PABPC4L: variants seen among roughly 807,000 people sequenced by gnomAD.
The protein encoded by PABPC4L is poly(A) binding protein cytoplasmic 4 like.
For synonymous variants in PABPC4L, 169 were observed against 164.1 expected, an observed-to-expected ratio of 1.03 and a Z score of -0.23; for missense variants, 452 against 451.4, an observed-to-expected ratio of 1.00 and a Z score of -0.01.
the PABPC4L span, among the ~76,000 whole-genome samples, chr4:134,191,285 C>A: frequency 6.6e-6 from 1 of 151,918 alleles, no homozygotes; most frequent in Non-Finnish European, 1.5e-5. Context: ...GTGTTTCAAC[C>A]AGACGGAAAA....
the PABPC4L span, among the ~76,000 whole-genome samples, chr4:134,015,272 G>C: frequency 6.6e-6 from 1 of 152,062 alleles, no homozygotes; most frequent in Non-Finnish European, 1.5e-5. Context: ...ACCTGTCCTA[G>C]AACCAGAAAA....
the PABPC4L span, among the ~76,000 whole-genome samples, chr4:134,097,478 C>CAG: frequency 2.0e-5 from 3 of 151,506 alleles, no homozygotes; most frequent in East Asian, 1.9e-4. Flanking sequence ...AAGAGAGAAA[C>CAG]AGAGAGAGAG....
the PABPC4L span, among the ~76,000 whole-genome samples, chr4:134,172,247 C>T: frequency 7.9e-5 from 12 of 152,156 alleles, no homozygotes; most frequent in South Asian, 1.9e-3. Flanking sequence ...GGAGACAGCA[C>T]GTCACCCAAT....
the PABPC4L span, among the ~76,000 whole-genome samples, chr4:133,980,516 G>A: frequency 3.9e-5 from 6 of 152,250 alleles, no homozygotes; most frequent in Non-Finnish European, 8.8e-5. Context: ...CAGATTTGAA[G>A]AGGCATAGGC....
At chr4:134,036,624 G>T in the PABPC4L span, among the ~76,000 whole-genome samples, 1 of 152,038 alleles carries the variant, frequency 6.6e-6, no homozygotes, top group Non-Finnish European at 1.5e-5. Context: ...AAACGACTTT[G>T]TGATCCAGAA....
At chr4:134,004,629 G>C in the PABPC4L span, among the ~76,000 whole-genome samples, 1 of 151,796 alleles carries the variant, frequency 6.6e-6, no homozygotes, top group African/African-American at 2.4e-5. Context: ...CAAAGTAAAT[G>C]AAATCAGTAT....
intron 1 of PABPC4L, among the ~76,000 whole-genome samples, chr4:134,201,490 G>C (rs957719424): frequency 2.0e-5 from 3 of 152,110 alleles, no homozygotes; most frequent in Non-Finnish European, 4.4e-5. Flanking sequence ...GGTTCTGCCC[G>C]GCAGAGACCC....
the PABPC4L span, among the ~76,000 whole-genome samples, chr4:134,158,396 A>G: frequency 2.0e-5 from 3 of 152,038 alleles, no homozygotes; most frequent in African/African-American, 7.2e-5. Flanking sequence ...TATATTCTAC[A>G]GATAATTTTC....
At chr4:134,185,268 C>T in the PABPC4L span, among the ~76,000 whole-genome samples, 3 of 152,014 alleles carry the variant, frequency 2.0e-5, no homozygotes, top group South Asian at 4.1e-4. Flanking sequence ...CCCTGATGAA[C>T]ATCAATGCAA....
At chr4:134,081,697 C>G in the PABPC4L span, among the ~76,000 whole-genome samples, 2 of 151,846 alleles carry the variant, frequency 1.3e-5, no homozygotes, top group African/African-American at 2.4e-5. Flanking sequence ...CAATGCTGTT[C>G]TACTCTCACC....
the PABPC4L span, among the ~76,000 whole-genome samples, chr4:134,163,810 A>G: frequency 3.3e-5 from 5 of 152,134 alleles, no homozygotes; most frequent in African/African-American, 1.2e-4. Flanking sequence ...TATTATAAAA[A>G]TCCTCAACAA....
the PABPC4L span, among the ~76,000 whole-genome samples, chr4:134,187,546 G>C: frequency 8.0e-6 from 1 of 125,774 alleles, no homozygotes; most frequent in African/African-American, 2.9e-5. Context: ...CCTGTCGTGG[G>C]GTGGGGGGAG....
chr4:134,142,400 C>T, the PABPC4L span, among the ~76,000 whole-genome samples: 2 of 151,354 alleles, frequency 1.3e-5, no homozygotes, highest in Non-Finnish European at 3.0e-5. Context: ...CTTATAAATC[C>T]GTGGGAACTC....
chr4:134,151,096 G>T, the PABPC4L span, among the ~76,000 whole-genome samples: 11 of 152,066 alleles, frequency 7.2e-5, no homozygotes, highest in Non-Finnish European at 1.2e-4. Flanking sequence ...GTATAGTATT[G>T]TGTTAGAATT....
At chr4:134,168,142 A>T in the PABPC4L span, among the ~76,000 whole-genome samples, 1 of 152,202 alleles carries the variant, frequency 6.6e-6, no homozygotes, top group Non-Finnish European at 1.5e-5. Context: ...CTATGTAGAC[A>T]CATGTAAATT....
chr4:134,005,276 C>A, the PABPC4L span, among the ~76,000 whole-genome samples: 1 of 151,826 alleles, frequency 6.6e-6, no homozygotes, highest in Non-Finnish European at 1.5e-5. Context: ...GTGACTCTAA[C>A]CTAGTGATGG....
the PABPC4L span, among the ~76,000 whole-genome samples, chr4:134,170,216 T>C: frequency 6.6e-6 from 1 of 152,162 alleles, no homozygotes; most frequent in East Asian, 1.9e-4. Flanking sequence ...CCCTCTATAC[T>C]GCTGCAAAGG....
chr4:134,176,636 C>T, the PABPC4L span, among the ~76,000 whole-genome samples: 6 of 152,026 alleles, frequency 3.9e-5, no homozygotes, highest in Non-Finnish European at 5.9e-5. Flanking sequence ...CCCAACAGGC[C>T]GATCATCTGA....
In PABPC4L at chr4:134,197,618, AC is replaced by A. The variant is rs1729704684; in HGVS notation, c.*2288del. 1 of 151,764 alleles carries A rather than the reference AC, an allele frequency of 6.6e-6. No homozygotes were observed. Among genetic ancestry groups the A allele is most frequent in the African/African-American group, 2.4e-5 (1 of 41,450 alleles). 9.4% of individuals were successfully genotyped at this position (151,764 alleles called of 1,614,324 possible). A position where few individuals can be genotyped will look rare whatever the true frequency, so the allele number is the denominator to read the frequency against. ...CTAAAAATCCATGTAAATAAAAAACACCCCAACAGGAAAATAAATTATGATC... is the reference window on the plus strand; with the variant it reads ...CTAAAAATCCATGTAAATAAAAAACACCCAACAGGAAAATAAATTATGATC... On this transcript the variant is annotated 3_prime_UTR_variant, in exon 2 of 2. Coordinates refer to ENST00000421491, the MANE Select transcript of PABPC4L (RefSeq NM_001114734.2).
Sources: gnomAD v4.1 joint callset for allele counts (sites outside exome capture counted in the v4.1 genomes callset) on GRCh38, gnomAD v4.1.1 for gene constraint, MANE v1.5 for transcripts, NCBI Gene and HGNC (gene_info 2026-07-23, HGNC 2026-07-21) for gene names.